The following HELB variants were observed in gnomAD, a reference collection of about 807,000 sequenced individuals.
HELB encodes the protein DNA helicase B, also known as DNA 5'-3' helicase B.
A neutral mutation model predicts 101.7 loss-of-function variants in HELB; 96 were observed. The observed-to-expected ratio is 0.94, with a 90% CI of 0.80 to 1.12. The LOEUF (loss-of-function observed/expected upper bound fraction) is 1.12. Among genes scored for constraint, HELB ranks in the 50% most tolerant of loss-of-function variants. The pLI is 0.00. For synonymous variants in HELB, 437 were observed against 459.7 expected (o/e 0.95, Z 0.63); for missense variants, 1,210 against 1,291.9 (o/e 0.94, Z 0.97).
At chr12:66,337,115 A>G (rs2053874841) in intron 12 of HELB, among the ~76,000 whole-genome samples, 1 of 152,152 alleles carries the variant, frequency 6.6e-6, no homozygotes, top group African/African-American at 2.4e-5. Context: ...TGGCTAAGGC[A>G]TACAGGTGGA....
chr12:66,302,750 T>C lies in HELB; in HGVS notation c.147T>C (p.Ser49=), dbSNP rs748440578. 1.2e-6 allele frequency: 2 copies of C among 1,613,444 alleles called. No homozygotes were observed. Among genetic ancestry groups the C allele is most frequent in the South Asian group, 2.2e-5 (2 of 91,038 alleles). ...SVFIDAEELC[S]GGVKAGSLPG... Reference sequence around the variant, plus strand: ...TCATCGACGCCGAGGAGCTCTGCAGTGGGGGCGTAAAGGCTGGCAGCCTCC... The same window carrying C: ...TCATCGACGCCGAGGAGCTCTGCAGCGGGGGCGTAAAGGCTGGCAGCCTCC... The change falls in exon 1 of 13, where the codon AGT becomes AGC. Residue 49 remains serine, a synonymous_variant. Coordinates refer to ENST00000247815, the MANE Select transcript of HELB (RefSeq NM_001370285.1).
downstream of HELB, chr12:66,338,885 G>C (rs1190730342): frequency 6.6e-6 from 1 of 152,158 alleles, no homozygotes; most frequent in Non-Finnish European, 1.5e-5. Context: ...TGCTGCCTGG[G>C]GCCCAGCCTA....
chr12:66,320,103 AAACTT>A, intron 7 of HELB, among the ~76,000 whole-genome samples: 1 of 152,250 alleles, frequency 6.6e-6, no homozygotes, highest in Admixed American at 6.5e-5. Flanking sequence ...AGAATCAAGT[AAACTT>A]AACTAAATAC....
At chr12:66,303,106 TTA>T (rs1491247854) in intron 1 of HELB, among the ~76,000 whole-genome samples, 6,279 of 105,176 alleles carry the variant, frequency 0.06, 370 homozygotes, top group African/African-American at 0.2. Context: ...TTTTTTTTTT[TTA>T]AAATTATTCT....
intron 8 of HELB, among the ~76,000 whole-genome samples, 191 bp downstream of exon 8, chr12:66,322,220 T>C (rs941084267): frequency 2.0e-5 from 3 of 152,294 alleles, no homozygotes; most frequent in African/African-American, 7.2e-5. Flanking sequence ...CCAAGTATTA[T>C]ATTTAGAAGC....
At chr12:66,326,388 A>G (rs951770346) in intron 11 of HELB, among the ~76,000 whole-genome samples, 1 of 151,932 alleles carries the variant, frequency 6.6e-6, no homozygotes, top group Non-Finnish European at 1.5e-5. Flanking sequence ...GATTACAGGC[A>G]CATGCCACCA....
downstream of HELB, chr12:66,341,651 C>G (rs564968436): frequency 6.6e-6 from 1 of 152,200 alleles, no homozygotes; most frequent in South Asian, 2.1e-4. Context: ...TGGTTTGGCT[C>G]TCTGTCCCCA....
rs769649903 is a variant in HELB at position 66,310,140 on chromosome 12, G to A, written c.1212G>A (p.Glu404=). The A allele has an allele frequency of 7.4e-6, 12 of 1,614,092 alleles. No individual in the cohort carries two copies. In the Admixed American group the frequency reaches 1.8e-4, roughly 25 times the overall value. Residue 404 remains glutamate (E), a synonymous_variant, in exon 4 of 13, where the codon GAG becomes GAA. Transcript: ENST00000247815. ...PENSSDDALN[E]SKPDEVRLEN... is the part of the protein sequence containing the mutation. ...ATTCAAGCGATGATGCATTGAATGA[G>A]AGCAAACCTGATGAAGTAAGATTAG...
intron 6 of HELB, among the ~76,000 whole-genome samples, chr12:66,315,645 G>A (rs192657537): frequency 6.6e-6 from 1 of 152,270 alleles, no homozygotes. Flanking sequence ...AATTAAAATT[G>A]TATTAAGCTT....
chr12:66,308,875 T>TG (rs1443824795), intron 3 of HELB, among the ~76,000 whole-genome samples: 1 of 152,076 alleles, frequency 6.6e-6, no homozygotes, highest in Admixed American at 6.5e-5. Flanking sequence ...ATATGAATTT[T>TG]GGGGGGACAC....
chr12:66,341,294 G>C (rs1044517598), downstream of HELB: 1 of 152,286 alleles, frequency 6.6e-6, no homozygotes, highest in Admixed American at 6.5e-5. Flanking sequence ...AGAGGGAGCA[G>C]ACTCAGCAAG....
chr12:66,318,520 T>G (rs2053635062), intron 6 of HELB, 118 bp from the exon 7 acceptor site: 7 of 909,846 alleles, frequency 7.7e-6, no homozygotes, highest in Non-Finnish European at 1.1e-5. Flanking sequence ...TGGATGACCT[T>G]TTCTCTCTGT....
In HELB at chr12:66,310,098, CACCACAAA is replaced by C. The variant is rs756475110; in HGVS notation, c.1174_1181del (p.Thr392Ter). ...TCGAAAAGGTGCTTGCCTCTATTCA[CACCACAAA>C]ACCTGAGAATTCAAGCGATGATGCA... On this transcript the variant is annotated frameshift_variant, in exon 4 of 13. Transcript: ENST00000247815. LOFTEE classifies it high-confidence loss of function. 5 of 1,614,186 alleles carry C rather than the reference CACCACAAA, an allele frequency of 3.1e-6. No homozygotes were observed. Among genetic ancestry groups the C allele is most frequent in the Non-Finnish European group, 4.2e-6 (5 of 1,180,042 alleles).
intron 12 of HELB, among the ~76,000 whole-genome samples, chr12:66,337,648 C>T (rs2137021793): frequency 6.6e-6 from 1 of 152,156 alleles, no homozygotes; most frequent in African/African-American, 2.4e-5. Flanking sequence ...TCTGTAATCA[C>T]CATCTTGAAA....
intron 8 of HELB, 147 bp from the exon 9 acceptor site, chr12:66,322,577 A>G: frequency 4.0e-6 from 2 of 498,924 alleles, no homozygotes; most frequent in Non-Finnish European, 7.1e-6. Context: ...AAAAAAAAAA[A>G]AAAAAGATAA....
At chr12:66,317,685 T>C (rs746099923) in intron 6 of HELB, among the ~76,000 whole-genome samples, 15 of 152,226 alleles carry the variant, frequency 9.9e-5, no homozygotes, top group Admixed American at 2.0e-4. Flanking sequence ...AAGTATTTAT[T>C]GACTATGAAG....
rs2053721514 is a variant in HELB at position 66,325,126 on chromosome 12, G to A, written c.2670G>A (p.Gln890=). Residue 890 remains glutamine (Q), a splice_region_variant and synonymous_variant, in exon 11 of 13, where the codon CAG becomes CAA. Transcript: ENST00000247815. The part of the protein sequence containing the change: ...HAWARTIHTF[Q]GSEEQTVVYV... ...GGGCAAGAACTATTCACACTTTTCAGGTAAGAGGAGACTTTTATCAAACCT... is the reference window on the plus strand; with the variant it reads ...GGGCAAGAACTATTCACACTTTTCAAGTAAGAGGAGACTTTTATCAAACCT... 1 of 1,578,886 alleles carries A rather than the reference G, an allele frequency of 6.3e-7. No homozygotes were observed. The highest frequency in any genetic ancestry group is 8.7e-7 in the Non-Finnish European group (1 of 1,152,996).
At chr12:66,319,870 G>A (rs2053650263) in intron 7 of HELB, among the ~76,000 whole-genome samples, 1 of 86,172 alleles carries the variant, frequency 1.2e-5, no homozygotes, top group Admixed American at 1.2e-4. Context: ...GTTCTATAAT[G>A]TGCTTTTTTG....
Position 66,331,298 on chromosome 12 carries a change from AAC to A in HELB, c.2817_2818del (p.Asn939LysfsTer4), listed in dbSNP as rs752654504. 3 of 1,614,160 alleles carry A rather than the reference AAC, an allele frequency of 1.9e-6. No individual in the cohort carries two copies. Among genetic ancestry groups the A allele is most frequent in the Non-Finnish European group, 2.5e-6 (3 of 1,180,026 alleles). On this transcript the variant is annotated frameshift_variant, in exon 12 of 13. Coordinates refer to ENST00000247815, the MANE Select transcript of HELB (RefSeq NM_001370285.1). LOFTEE classifies it high-confidence loss of function. ...TCAGCTCCGGAATGCCATTATGAAAAACAGTTTTCCTAGAAAAACTCGTTTGA... is the reference window on the plus strand; with the variant it reads ...TCAGCTCCGGAATGCCATTATGAAAAAGTTTTCCTAGAAAAACTCGTTTGA... ...ESQLRNAIMK[N>X]SFPRKTRLKH...
Sources: gnomAD v4.1 joint callset for allele counts (sites outside exome capture counted in the v4.1 genomes callset) on GRCh38, gnomAD v4.1.1 for gene constraint, MANE v1.5 for transcripts, NCBI Gene and HGNC (gene_info 2026-07-23, HGNC 2026-07-21) for gene names.